HOMER1: variants seen among roughly 807,000 people sequenced by gnomAD.
The protein encoded by HOMER1 is homer protein homolog 1.
A neutral mutation model predicts 48.9 loss-of-function variants in HOMER1; 3 were observed. That is an observed-to-expected ratio of 0.06 (90% CI 0.03 to 0.16). The LOEUF (loss-of-function observed/expected upper bound fraction) is 0.16. HOMER1 is among the 10% of genes least tolerant of loss of function. The pLI is 1.00. For synonymous variants in HOMER1, 134 were observed against 146.4 expected (o/e 0.92, Z 0.61); for missense variants, 247 against 411.4 (o/e 0.60, Z 3.46).
chr5:79,492,003 T>C (rs936076988), intron 1 of HOMER1, among the ~76,000 whole-genome samples: 1 of 152,194 alleles, frequency 6.6e-6, no homozygotes, highest in African/African-American at 2.4e-5. Context: ...TAAGTTGTTC[T>C]GCCTGTACTG....
intron 1 of HOMER1, among the ~76,000 whole-genome samples, chr5:79,476,580 G>A (rs1038299487): frequency 1.3e-5 from 2 of 152,160 alleles, no homozygotes; most frequent in Non-Finnish European, 2.9e-5. Flanking sequence ...TGCTGGAATA[G>A]CTCATAGAAC....
intron 1 of HOMER1, among the ~76,000 whole-genome samples, chr5:79,460,772 A>G (rs1427504059): frequency 6.6e-6 from 1 of 152,180 alleles, no homozygotes; most frequent in African/African-American, 2.4e-5. Context: ...AACATCTACA[A>G]TGCACAAGAT....
chr5:79,402,729 C>T (rs1050189207), intron 5 of HOMER1, among the ~76,000 whole-genome samples: 7 of 151,934 alleles, frequency 4.6e-5, no homozygotes, highest in Non-Finnish European at 7.4e-5. Context: ...ACATTTTTTA[C>T]GTGTGTCAAA....
chr5:79,512,873 C>A lies in HOMER1; in HGVS notation c.-99G>T, dbSNP rs1028468970. 10 of 1,069,878 alleles carry A rather than the reference C, an allele frequency of 9.3e-6. No homozygotes were observed. In the East Asian group the frequency reaches 1.7e-4, roughly 18 times the overall value. The allele number at this position is 1,069,878 out of a possible 1,614,324, so 66.3% of individuals were successfully genotyped here. The stretch of plus-strand genomic sequence containing the variant: ...CTGCTATTTCGCAGTTGCTTTTCCA[C>A]CCCCACCCCCAGATCCTTGTCCGGA... On this transcript the variant is annotated 5_prime_UTR_variant, in exon 1 of 9. Coordinates refer to ENST00000334082, the MANE Select transcript of HOMER1 (RefSeq NM_004272.5).
chr5:79,376,329 T>C (rs1477752943), intron 8 of HOMER1, 132 bp from the exon 9 acceptor site: 2 of 647,432 alleles, frequency 3.1e-6, no homozygotes, highest in Non-Finnish European at 5.1e-6. Flanking sequence ...AATCTTAATT[T>C]AGCACAATTT....
chr5:79,482,493 T>C (rs1051562347), intron 1 of HOMER1, among the ~76,000 whole-genome samples: 2 of 150,884 alleles, frequency 1.3e-5, no homozygotes, highest in Admixed American at 1.3e-4. Context: ...TTTCTAGAGA[T>C]GAAAATGTCT....
chr5:79,439,233 G>C, intron 4 of HOMER1, 84 bp from the exon 5 acceptor site: 1 of 1,314,566 alleles, frequency 7.6e-7, no homozygotes, highest in East Asian at 2.3e-5. Context: ...AACTGCCTTT[G>C]ATGTATGCTT....
At chr5:79,510,717 T>TG in intron 1 of HOMER1, 1 of 797,984 alleles carries the variant, frequency 1.3e-6, no homozygotes, top group Non-Finnish European at 2.2e-6. Context: ...AAGCTCAACT[T>TG]GCCTACACTG....
intron 1 of HOMER1, among the ~76,000 whole-genome samples, chr5:79,492,017 T>C (rs186588344): frequency 7.9e-5 from 12 of 152,326 alleles, no homozygotes; most frequent in Admixed American, 7.8e-4. Flanking sequence ...TGTACTGTAT[T>C]GTGCTACACT....
intron 8 of HOMER1, among the ~76,000 whole-genome samples, chr5:79,379,524 G>A (rs1465181454): frequency 1.5e-5 from 2 of 136,240 alleles, no homozygotes; most frequent in African/African-American, 5.6e-5. Context: ...TACAGACAGA[G>A]AATTTTATAT....
intron 8 of HOMER1, among the ~76,000 whole-genome samples, chr5:79,378,098 T>C (rs1748821448): frequency 6.6e-6 from 1 of 151,784 alleles, no homozygotes; most frequent in Non-Finnish European, 1.5e-5. Context: ...CAGGCACCTG[T>C]AATCTCAGCT....
chr5:79,387,543 T>TA (rs1322000277), intron 8 of HOMER1, among the ~76,000 whole-genome samples: 1 of 152,218 alleles, frequency 6.6e-6, no homozygotes, highest in Admixed American at 6.5e-5. Flanking sequence ...ATAAGACTGT[T>TA]ACCTTCTATA....
intron 2 of HOMER1, 133 bp from the exon 3 acceptor site, chr5:79,451,254 G>A: frequency 1.2e-6 from 1 of 814,814 alleles, no homozygotes; most frequent in Non-Finnish European, 1.8e-6. Context: ...GATAGTTACA[G>A]AAATAGTTTC....
At chr5:79,474,257 T>C (rs1751698510) in intron 1 of HOMER1, among the ~76,000 whole-genome samples, 1 of 144,946 alleles carries the variant, frequency 6.9e-6, no homozygotes, top group African/African-American at 2.6e-5. Flanking sequence ...CTCACTTTGT[T>C]GCTCAGGCTG....
At chr5:79,456,259 C>A (rs1055849580) in intron 2 of HOMER1, among the ~76,000 whole-genome samples, 11 of 152,048 alleles carry the variant, frequency 7.2e-5, no homozygotes, top group Non-Finnish European at 1.5e-4. Flanking sequence ...TTACAACCAC[C>A]AGTACTGAGT....
chr5:79,485,277 A>G (rs1752066746), intron 1 of HOMER1, among the ~76,000 whole-genome samples: 1 of 152,164 alleles, frequency 6.6e-6, no homozygotes, highest in Non-Finnish European at 1.5e-5. Context: ...ACGGGGTGAT[A>G]GAGGAATAGA....
chr5:79,416,418 GTAC>G (rs749566616), intron 5 of HOMER1, among the ~76,000 whole-genome samples: 16 of 152,196 alleles, frequency 1.1e-4, no homozygotes, highest in Non-Finnish European at 2.1e-4. Flanking sequence ...AAAACACTCT[GTAC>G]TTTAGTGCAT....
chr5:79,401,509 C>A (rs1448298931), intron 6 of HOMER1, among the ~76,000 whole-genome samples: 2 of 152,176 alleles, frequency 1.3e-5, no homozygotes, highest in Admixed American at 1.3e-4. Flanking sequence ...GAAAAGCATT[C>A]CCGCTTCACC....
chr5:79,386,945 C>T (rs1452117343), intron 8 of HOMER1, among the ~76,000 whole-genome samples: 1 of 71,638 alleles, frequency 1.4e-5, no homozygotes, highest in Non-Finnish European at 2.8e-5. Flanking sequence ...TTCCTTCCTT[C>T]CTTTCCTTTC....
Sources: allele counts gnomAD v4.1 joint callset (sites outside exome capture counted in the v4.1 genomes callset), GRCh38; gene constraint gnomAD v4.1.1; transcripts MANE v1.5; gene names NCBI Gene and HGNC (gene_info 2026-07-23, HGNC 2026-07-21).